Variants in STX8 observed in about 807,000 individuals in gnomAD.
STX8 encodes the protein syntaxin 8.
Under a neutral mutation model 37.5 loss-of-function variants are expected in STX8, and 23 were observed. The observed-to-expected ratio is 0.61, with a 90% CI of 0.44 to 0.87. The LOEUF (loss-of-function observed/expected upper bound fraction) is 0.87. Among genes scored for constraint, STX8 ranks in the 40% least tolerant of loss-of-function variants. The pLI is 0.00. For synonymous variants in STX8, 115 were observed against 99.1 expected (o/e 1.16, Z -0.95); for missense variants, 313 against 284.7 (o/e 1.10, Z -0.71).
intron 7 of STX8, among the ~76,000 whole-genome samples, chr17:9,258,827 G>A (rs1056929592): frequency 3.9e-5 from 6 of 152,174 alleles, no homozygotes; most frequent in Admixed American, 3.9e-4. Flanking sequence ...GCTCCCCTCT[G>A]AGTGTAGCCT....
At chr17:9,441,996 C>A (rs1904678985) in intron 6 of STX8, among the ~76,000 whole-genome samples, 1 of 152,084 alleles carries the variant, frequency 6.6e-6, no homozygotes. Flanking sequence ...CACAGGCTGA[C>A]TCTCAGATCT....
chr17:9,508,909 C>T (rs911878958), intron 4 of STX8, among the ~76,000 whole-genome samples: 1 of 152,126 alleles, frequency 6.6e-6, no homozygotes, highest in Non-Finnish European at 1.5e-5. Context: ...CTCTTAGGCA[C>T]ATTAGAGTCA....
intron 3 of STX8, among the ~76,000 whole-genome samples, chr17:9,551,336 ATT>A (rs775119484): frequency 5.9e-5 from 9 of 152,180 alleles, no homozygotes; most frequent in Non-Finnish European, 1.3e-4. Flanking sequence ...TAATACCATC[ATT>A]GTTTGTGAGT....
chr17:9,360,871 A>C (rs1911039775), intron 7 of STX8, among the ~76,000 whole-genome samples: 1 of 152,166 alleles, frequency 6.6e-6, no homozygotes, highest in Non-Finnish European at 1.5e-5. Flanking sequence ...AGCGCTCAGC[A>C]GTCAGCTCCA....
chr17:9,352,703 C>T (rs528763520), intron 7 of STX8, among the ~76,000 whole-genome samples: 10 of 150,664 alleles, frequency 6.6e-5, no homozygotes, highest in East Asian at 2.0e-4. Flanking sequence ...GGGGTTTCAC[C>T]GTGTTAGCCA....
At chr17:9,519,884 T>C (rs1356774241) in intron 4 of STX8, among the ~76,000 whole-genome samples, 2 of 150,976 alleles carry the variant, frequency 1.3e-5, no homozygotes, top group African/African-American at 2.4e-5. Flanking sequence ...CTGCTTAGGC[T>C]TTCCTGATCC....
intron 7 of STX8, among the ~76,000 whole-genome samples, chr17:9,324,560 C>T (rs1164736499): frequency 1.3e-4 from 20 of 151,682 alleles, no homozygotes; most frequent in Admixed American, 4.6e-4. Flanking sequence ...GTCAGGAGTT[C>T]GAGACCAGCC....
Position 9,507,458 on chromosome 17 carries a change from T to C in STX8, c.324-2296A>G, listed in dbSNP as rs1275200300. Among the ~76,000 whole-genome samples the C allele has an allele frequency of 6.6e-6, 1 of 152,208 alleles. No homozygotes were observed. The highest frequency in any genetic ancestry group is 2.4e-5 in the African/African-American group (1 of 41,452). On this transcript the variant is annotated intron_variant, in intron 4 of 7. Transcript: ENST00000306357. The surrounding 1 kb of genome is among the most constrained non-coding windows in gnomAD (Gnocchi z 4.0). Reference sequence around the variant, plus strand: ...CCCCCGGGGCCATCAAGCAGACTTATGCCCACCTCTCATGCCTGAGAAATA... The same window carrying C: ...CCCCCGGGGCCATCAAGCAGACTTACGCCCACCTCTCATGCCTGAGAAATA...
intron 6 of STX8, among the ~76,000 whole-genome samples, chr17:9,388,426 C>T (rs1310028714): frequency 2.6e-5 from 4 of 151,548 alleles, no homozygotes; most frequent in Admixed American, 1.3e-4. Context: ...TTTATAAATG[C>T]GAGGGGAAAA....
rs143245371 is a variant in STX8 at position 9,312,492 on chromosome 17, C to T, written c.644-61847G>A. Among the ~76,000 whole-genome samples the T allele has an allele frequency of 3.6e-3, 547 of 152,200 alleles. 1 individual carries two copies. Among genetic ancestry groups the T allele is most frequent in the African/African-American group, 1.0e-2 (414 of 41,522 alleles). On this transcript the variant is annotated intron_variant, in intron 7 of 7. Coordinates refer to ENST00000306357, the MANE Select transcript of STX8 (RefSeq NM_004853.3). The stretch of plus-strand genomic sequence containing the variant: ...CTGGGATTACAGGCGTGAGCCACCG[C>T]GTCTGGCAAGCATGAGACATTTTAA...
chr17:9,536,022 G>A (rs1906036416), intron 4 of STX8, among the ~76,000 whole-genome samples: 1 of 152,176 alleles, frequency 6.6e-6, no homozygotes, highest in South Asian at 2.1e-4. Flanking sequence ...GATGGAGGGA[G>A]ATAATATATT....
rs530290921 is a variant in STX8 at position 9,477,881 on chromosome 17, T to G, written c.541+13948A>C. ...GGTGGGGAAGGGGGAAATTTTCCCA[T>G]AAAGCTGTCATTTCCCAGCTTCTAG... On this transcript the variant is annotated intron_variant, in intron 6 of 7. Transcript: ENST00000306357. 2.6e-3 allele frequency among the ~76,000 whole-genome samples: 391 copies of G among 152,322 alleles called. 1 individual carries two copies. Among genetic ancestry groups the G allele is most frequent in the African/African-American group, 9.0e-3 (374 of 41,578 alleles).
intron 7 of STX8, among the ~76,000 whole-genome samples, chr17:9,270,544 G>A (rs890039000): frequency 6.6e-6 from 1 of 152,044 alleles, no homozygotes; most frequent in Non-Finnish European, 1.5e-5. Flanking sequence ...GTGAGCAACC[G>A]TGCCCAGTCT....
intron 7 of STX8, among the ~76,000 whole-genome samples, chr17:9,339,875 A>G (rs1327371575): frequency 6.6e-6 from 1 of 151,700 alleles, no homozygotes; most frequent in Non-Finnish European, 1.5e-5. Flanking sequence ...GCTTACTCTG[A>G]CTATTATTAT....
At chr17:9,492,305 G>A (rs938590176) in intron 5 of STX8, among the ~76,000 whole-genome samples, 6 of 152,056 alleles carry the variant, frequency 3.9e-5, no homozygotes, top group East Asian at 3.9e-4. Flanking sequence ...TTTTAACATC[G>A]CTACTAATTT....
At chr17:9,508,021 A>G (rs1284730277) in intron 4 of STX8, among the ~76,000 whole-genome samples, 1 of 152,220 alleles carries the variant, frequency 6.6e-6, no homozygotes, top group Non-Finnish European at 1.5e-5. Context: ...AACATGAAAA[A>G]GCAAGGAAAC....
intron 6 of STX8, among the ~76,000 whole-genome samples, chr17:9,408,728 C>T (rs946314372): frequency 1.3e-5 from 2 of 152,108 alleles, no homozygotes; most frequent in African/African-American, 2.4e-5. Flanking sequence ...AAAGATGGAA[C>T]AGAGAAAATG....
chr17:9,340,947 G>A (rs775348169), intron 7 of STX8, among the ~76,000 whole-genome samples: 15 of 148,520 alleles, frequency 1.0e-4, no homozygotes, highest in African/African-American at 1.7e-4. Flanking sequence ...GTGGGCCACC[G>A]CACCCAGCTG....
intron 4 of STX8, among the ~76,000 whole-genome samples, chr17:9,543,368 A>T (rs1390247600): frequency 1.3e-5 from 2 of 150,208 alleles, no homozygotes; most frequent in Admixed American, 6.7e-5. Context: ...ATCTCGGCTC[A>T]CTGCAACCTC....
Sources: allele counts gnomAD v4.1 joint callset (sites outside exome capture counted in the v4.1 genomes callset), GRCh38; gene constraint gnomAD v4.1.1; non-coding constraint Gnocchi (gnomAD v3.1); transcripts MANE v1.5; gene names NCBI Gene and HGNC (gene_info 2026-07-23, HGNC 2026-07-21).